The following IRF2 variants were observed in gnomAD, a reference collection of about 807,000 sequenced individuals.
The protein encoded by IRF2 is interferon regulatory factor 2.
IRF2 carries 15 observed loss-of-function variants against 40.6 expected under a neutral mutation model. That is an observed-to-expected ratio of 0.37 (90% CI 0.25 to 0.57). The LOEUF (loss-of-function observed/expected upper bound fraction) is 0.57, where lower values mean the gene tolerates loss of function less well. Among genes scored for constraint, IRF2 ranks in the 20% least tolerant of loss-of-function variants. IRF2 has a pLI of 0.77. For missense variants in IRF2, 317 were observed against 455.7 expected (o/e 0.70, Z 2.77); for synonymous variants, 151 against 165.5 (o/e 0.91, Z 0.67).
chr4:184,390,167 T>C (rs1421221019), intron 8 of IRF2, among the ~76,000 whole-genome samples: 1 of 152,070 alleles, frequency 6.6e-6, no homozygotes, highest in Admixed American at 6.6e-5. Flanking sequence ...ATGCTTTCCA[T>C]CTCCATTCCA....
At chr4:184,452,323 A>C (rs971965833) in intron 1 of IRF2, among the ~76,000 whole-genome samples, 4 of 152,228 alleles carry the variant, frequency 2.6e-5, no homozygotes, top group Non-Finnish European at 4.4e-5. Flanking sequence ...TCGGCCCAGG[A>C]AAAGCATTCT....
At chr4:184,419,637 T>C (rs1737409472) in intron 2 of IRF2, 69 bp from the exon 3 acceptor site, 3 of 1,061,402 alleles carry the variant, frequency 2.8e-6, no homozygotes, top group East Asian at 2.4e-5. Flanking sequence ...TTGCAAAAGG[T>C]TGTGAAGGTC....
intron 2 of IRF2, among the ~76,000 whole-genome samples, chr4:184,425,363 T>C (rs1393914174): frequency 6.6e-6 from 1 of 152,198 alleles, no homozygotes; most frequent in Non-Finnish European, 1.5e-5. Flanking sequence ...AGTGTAGGTA[T>C]GGAGAGAAGA....
At chr4:184,437,026 C>T (rs1738103834) in intron 1 of IRF2, among the ~76,000 whole-genome samples, 1 of 152,108 alleles carries the variant, frequency 6.6e-6, no homozygotes, top group South Asian at 2.1e-4. Context: ...CCCAGGACTA[C>T]AGGTGCATCC....
At chr4:184,462,380 A>G (rs1739177990) in intron 1 of IRF2, among the ~76,000 whole-genome samples, 1 of 152,204 alleles carries the variant, frequency 6.6e-6, no homozygotes, top group Non-Finnish European at 1.5e-5. Context: ...GGTAGTCTTC[A>G]GTAAAAATAA....
chr4:184,429,388 C>G (rs1737790733), intron 1 of IRF2, among the ~76,000 whole-genome samples: 1 of 152,138 alleles, frequency 6.6e-6, no homozygotes, highest in African/African-American at 2.4e-5. Context: ...CTGCACTGGC[C>G]GTGTTTTGAG....
intron 1 of IRF2, among the ~76,000 whole-genome samples, chr4:184,431,802 C>T (rs1737890208): frequency 6.6e-6 from 1 of 151,638 alleles, no homozygotes; most frequent in East Asian, 1.9e-4. Flanking sequence ...GCCCTGCCTC[C>T]AGCTAGTACT....
chr4:184,412,337 G>A (rs1347108739), intron 5 of IRF2, among the ~76,000 whole-genome samples: 1 of 151,960 alleles, frequency 6.6e-6, no homozygotes, highest in African/African-American at 2.4e-5. Flanking sequence ...ATGGGCTTGG[G>A]GACAGACCAG....
rs1561136271 is a variant in IRF2, at chr4:184,474,080, A to T, written c.-7+299T>A. 1.4e-5 allele frequency: 2 copies of T among 146,516 alleles called. No homozygotes were observed. The highest frequency in any genetic ancestry group is 3.0e-5 in the Non-Finnish European group (2 of 66,658). The allele number at this position is 146,516 out of a possible 1,614,324, so 9.1% of individuals were successfully genotyped here. On this transcript the variant is annotated intron_variant, in intron 1 of 8. Transcript: ENST00000393593. This position sits in a 1 kb window ranked among gnomAD's most constrained non-coding sequence, Gnocchi z 5.6. ...CAAAAGTGAAATTAAACCTCCACCA[A>T]CCTCCTCCTCCTCCTCCCTCTCTAC...
chr4:184,401,072 C>T (rs555298786), intron 6 of IRF2, among the ~76,000 whole-genome samples: 18 of 152,330 alleles, frequency 1.2e-4, no homozygotes, highest in African/African-American at 3.6e-4. Context: ...TGTCCAGACT[C>T]GCACAGCTTG....
At chr4:184,399,409 C>A (rs868519019) in intron 6 of IRF2, among the ~76,000 whole-genome samples, 2 of 152,382 alleles carry the variant, frequency 1.3e-5, no homozygotes, top group East Asian at 3.9e-4. Flanking sequence ...CATCCAGCCC[C>A]AGCCCCAGGG....
intron 8 of IRF2, among the ~76,000 whole-genome samples, chr4:184,390,213 G>A (rs2149889788): frequency 6.6e-6 from 1 of 152,326 alleles, no homozygotes; most frequent in South Asian, 2.1e-4. Context: ...CCATCTATGG[G>A]AGGGAGAGGG....
chr4:184,448,209 C>T lies in IRF2; in HGVS notation c.-6-19139G>A, dbSNP rs1373152775. Among the ~76,000 whole-genome samples the T allele has an allele frequency of 2.6e-5, 4 of 152,166 alleles. No homozygotes were observed. The highest frequency in any genetic ancestry group is 5.9e-5 in the Non-Finnish European group (4 of 68,030). ...GTAATTTCCAGTACAGAGGGAAAGA[C>T]GACGACAGCCTTTCTGCAAATACAA... is the stretch of plus-strand genomic sequence containing the variant. On this transcript the variant is annotated intron_variant, in intron 1 of 8. Transcript: ENST00000393593. This position sits in a 1 kb window ranked among gnomAD's most constrained non-coding sequence, Gnocchi z 4.3.
At position 184,419,570 on chromosome 4, in the gene IRF2, T is replaced by TTAAAA; in HGVS notation, c.88-3_88-2insTTTTA. 2.4e-6 allele frequency: 2 copies of TTAAAA among 820,018 alleles called. No homozygotes were observed. Among genetic ancestry groups the TTAAAA allele is most frequent in the Non-Finnish European group, 3.5e-6 (2 of 573,436 alleles). 50.8% of individuals were successfully genotyped at this position (820,018 alleles called of 1,614,324 possible). On this transcript the variant is annotated splice_polypyrimidine_tract_variant and splice_region_variant and intron_variant, in intron 2 of 8. Transcript: ENST00000393593. ...GGGGATCTGAAAAATCTTCTTTTCCTGAAAAAAAAAAAAAAAAAAAAGGTA... is the reference window on the plus strand; with the variant it reads ...GGGGATCTGAAAAATCTTCTTTTCCTTAAAAGAAAAAAAAAAAAAAAAAAAAGGTA...
At chr4:184,451,818 G>C (rs1030979007) in intron 1 of IRF2, among the ~76,000 whole-genome samples, 74 of 152,100 alleles carry the variant, frequency 4.9e-4, no homozygotes, top group African/African-American at 1.8e-3. Flanking sequence ...GTTCCCTGGG[G>C]CCCTTCCCAA....
chr4:184,401,895 C>T (rs1736680046), intron 6 of IRF2, among the ~76,000 whole-genome samples: 1 of 152,226 alleles, frequency 6.6e-6, no homozygotes, highest in Admixed American at 6.5e-5. Context: ...GAGGGCAAGC[C>T]AGCTGGGACT....
intron 1 of IRF2, among the ~76,000 whole-genome samples, chr4:184,468,427 C>T (rs1739405637): frequency 6.6e-6 from 1 of 151,842 alleles, no homozygotes; most frequent in South Asian, 2.1e-4. Flanking sequence ...GCGGAGGTTG[C>T]AGTGAGCCGA....
chr4:184,419,666 A>T (rs1003820947), intron 2 of IRF2, 98 bp from the exon 3 acceptor site: 1 of 787,878 alleles, frequency 1.3e-6, no homozygotes, highest in Non-Finnish European at 2.1e-6. Flanking sequence ...AAGATTCCCC[A>T]GCAAGCATCG....
chr4:184,435,089 T>C (rs1444710543), intron 1 of IRF2, among the ~76,000 whole-genome samples: 1 of 152,186 alleles, frequency 6.6e-6, no homozygotes, highest in Non-Finnish European at 1.5e-5. Context: ...TCTACAAGTT[T>C]TGCCATTTAA....
Sources: gnomAD v4.1 joint callset for allele counts (sites outside exome capture counted in the v4.1 genomes callset) on GRCh38, gnomAD v4.1.1 for gene constraint, Gnocchi (gnomAD v3.1) non-coding constraint, MANE v1.5 for transcripts, NCBI Gene and HGNC (gene_info 2026-07-23, HGNC 2026-07-21) for gene names.